GNG4: variants seen among roughly 807,000 people sequenced by gnomAD.
The protein encoded by GNG4 is G protein subunit gamma 4, also known as guanine nucleotide-binding protein G(I)/G(S)/G(O) subunit gamma-4.
Under a neutral mutation model 5.8 loss-of-function variants are expected in GNG4, and 4 were observed. The ratio of observed to expected loss-of-function variants is 0.69; its 90% CI spans 0.34 to 1.57. The LOEUF is 1.57. Among genes scored for constraint, GNG4 ranks in the 40% most tolerant of loss-of-function variants. The pLI is 0.06. For missense variants in GNG4, 96 were observed against 95.1 expected (o/e 1.01, Z -0.04); for synonymous variants, 29 against 32.9 (o/e 0.88, Z 0.41).
chr1:235,559,351 G>A (rs1686999587), intron 3 of GNG4, among the ~76,000 whole-genome samples: 1 of 152,168 alleles, frequency 6.6e-6, no homozygotes, highest in African/African-American at 2.4e-5. Context: ...CTTATCCTCA[G>A]TGGGATCCTG....
At chr1:235,556,972 C>T (rs1013677438) in intron 3 of GNG4, among the ~76,000 whole-genome samples, 14 of 151,934 alleles carry the variant, frequency 9.2e-5, no homozygotes, top group Non-Finnish European at 1.6e-4. Flanking sequence ...AATCTAATGC[C>T]GCTGCTGATC....
intron 1 of GNG4, among the ~76,000 whole-genome samples, chr1:235,630,028 A>G (rs1244742808): frequency 2.0e-5 from 3 of 152,222 alleles, no homozygotes; most frequent in African/African-American, 7.2e-5. Context: ...TTGGTGGACA[A>G]TGAATTATTT....
Position 235,649,702 on chromosome 1 carries a change from G to C in GNG4, c.-163C>G, listed in dbSNP as rs1217844129. 6.6e-6 allele frequency: 1 copy of C among 151,942 alleles called. No homozygotes were observed. Among genetic ancestry groups the C allele is most frequent in the African/African-American group, 2.4e-5 (1 of 41,428 alleles). The allele number at this position is 151,942 out of a possible 1,614,324, so 9.4% of individuals were successfully genotyped here. ...GCGCGGGCTTCGTCTGCAGCGCGGT[G>C]CTCGCGGGGGGCGGCCAGGCCGAGC... is the stretch of plus-strand genomic sequence containing the variant. On this transcript the variant is annotated 5_prime_UTR_variant, in exon 1 of 4. Coordinates refer to ENST00000391854, the MANE Select transcript of GNG4 (RefSeq NM_001098722.2). This position sits in a 1 kb window ranked among gnomAD's most constrained non-coding sequence, Gnocchi z 5.7.
At chr1:235,568,793 CTT>C (rs10625498) in intron 3 of GNG4, among the ~76,000 whole-genome samples, 9 of 144,634 alleles carry the variant, frequency 6.2e-5, no homozygotes, top group African/African-American at 1.8e-4. Flanking sequence ...TTTTTCTTTC[CTT>C]TTTTTTTTTC....
chr1:235,599,254 G>A (rs1688195037), intron 1 of GNG4, among the ~76,000 whole-genome samples: 4 of 151,994 alleles, frequency 2.6e-5, no homozygotes, highest in Admixed American at 2.6e-4. Flanking sequence ...AGAATCTCAG[G>A]TCCTACCCAA....
chr1:235,597,792 A>T (rs892713795), intron 1 of GNG4, among the ~76,000 whole-genome samples: 3 of 150,854 alleles, frequency 2.0e-5, no homozygotes, highest in African/African-American at 7.3e-5. Context: ...CACCTGGCTA[A>T]TTTTTTTTCT....
At position 235,549,807 on chromosome 1, in the gene GNG4, C is replaced by T. The variant is rs1686692764; in HGVS notation, c.*2302G>A. ...TGCCTCTTTGCAGGCAATTTTATGC[C>T]TCCAACGGAACCATGGTCTCTTTGA... On this transcript the variant is annotated 3_prime_UTR_variant, in exon 4 of 4. Coordinates refer to ENST00000391854, the MANE Select transcript of GNG4 (RefSeq NM_001098722.2). 6.6e-6 allele frequency: 1 copy of T among 152,206 alleles called. No homozygotes were observed. The highest frequency in any genetic ancestry group is 1.5e-5 in the Non-Finnish European group (1 of 68,048). The allele number at this position is 152,206 out of a possible 1,614,324, so 9.4% of individuals were successfully genotyped here. A position where few individuals can be genotyped will look rare whatever the true frequency, so the allele number is the denominator to read the frequency against.
intron 2 of GNG4, among the ~76,000 whole-genome samples, chr1:235,584,378 G>A (rs1303031719): frequency 2.0e-5 from 3 of 152,168 alleles, no homozygotes; most frequent in Admixed American, 6.5e-5. Flanking sequence ...AAGCCTAGCC[G>A]AGTGTCTCAA....
intron 1 of GNG4, among the ~76,000 whole-genome samples, chr1:235,619,813 C>T (rs1688669300): frequency 6.6e-6 from 1 of 152,210 alleles, no homozygotes; most frequent in Non-Finnish European, 1.5e-5. Flanking sequence ...CCCTAACTCA[C>T]ATCGATGTAT....
chr1:235,606,527 A>G (rs1571910085), intron 1 of GNG4, among the ~76,000 whole-genome samples: 1 of 152,036 alleles, frequency 6.6e-6, no homozygotes, highest in South Asian at 2.1e-4. Context: ...GGAGGGGGGA[A>G]AGGAAGGCAT....
At chr1:235,590,479 CCA>C (rs1403896170) in intron 2 of GNG4, among the ~76,000 whole-genome samples, 2 of 151,960 alleles carry the variant, frequency 1.3e-5, no homozygotes, top group Admixed American at 1.3e-4. Context: ...GGAGAGGTAA[CCA>C]CAGATTCCCC....
At chr1:235,597,631 T>A (rs1164849289) in intron 1 of GNG4, among the ~76,000 whole-genome samples, 3 of 107,894 alleles carry the variant, frequency 2.8e-5, no homozygotes, top group South Asian at 2.8e-4. Context: ...TGTGTGTGTA[T>A]TTTTTTTTTT....
chr1:235,637,268 T>TA (rs142697471), intron 1 of GNG4, among the ~76,000 whole-genome samples: 3,231 of 152,174 alleles, frequency 0.021, 53 homozygotes, highest in African/African-American at 0.036. Flanking sequence ...GTCCTTTATT[T>TA]AAAAAAACAA....
chr1:235,581,036 GCCA>G (rs906564055), intron 3 of GNG4, among the ~76,000 whole-genome samples: 10 of 152,238 alleles, frequency 6.6e-5, no homozygotes, highest in Admixed American at 1.3e-4. Context: ...ACAGGCGTCA[GCCA>G]CCACATCTGG....
intron 1 of GNG4, among the ~76,000 whole-genome samples, chr1:235,603,370 G>A (rs116499861): frequency 0.037 from 5,557 of 152,150 alleles, 189 homozygotes; most frequent in Middle Eastern, 0.075. Flanking sequence ...ATCTGTACAC[G>A]TGGATGTGTA....
At chr1:235,573,579 C>T (rs911466180) in intron 3 of GNG4, among the ~76,000 whole-genome samples, 4 of 151,922 alleles carry the variant, frequency 2.6e-5, no homozygotes, top group Non-Finnish European at 4.4e-5. Context: ...AGATCGAGAC[C>T]ATCCTGGGTA....
chr1:235,571,038 C>G (rs912326663), intron 3 of GNG4, among the ~76,000 whole-genome samples: 1 of 144,862 alleles, frequency 6.9e-6, no homozygotes, highest in Non-Finnish European at 1.5e-5. Flanking sequence ...TGTGCTCAGG[C>G]AAACCTCCTG....
chr1:235,594,631 G>A (rs1688077445), intron 2 of GNG4, among the ~76,000 whole-genome samples: 1 of 152,202 alleles, frequency 6.6e-6, no homozygotes, highest in Admixed American at 6.5e-5. Context: ...GCTGGCCCAG[G>A]TGCTAAGCCC....
intron 1 of GNG4, among the ~76,000 whole-genome samples, chr1:235,619,232 T>G (rs1219335934): frequency 6.8e-6 from 1 of 147,078 alleles, no homozygotes; most frequent in Non-Finnish European, 1.5e-5. Flanking sequence ...CACATATATA[T>G]ATACACAAAA....
Sources: allele counts gnomAD v4.1 joint callset (sites outside exome capture counted in the v4.1 genomes callset), GRCh38; gene constraint gnomAD v4.1.1; non-coding constraint Gnocchi (gnomAD v3.1); transcripts MANE v1.5; gene names NCBI Gene and HGNC (gene_info 2026-07-23, HGNC 2026-07-21).